The following IGSF9B variants were observed in gnomAD, a reference collection of about 807,000 sequenced individuals.
IGSF9B encodes protein turtle homolog B.
In IGSF9B, 48 loss-of-function variants were observed where a neutral mutation model predicts 143.7. The observed-to-expected ratio is 0.33, with a 90% CI of 0.26 to 0.42. The LOEUF is 0.42. Ranked by LOEUF, IGSF9B falls within the 20% of genes least tolerant of loss-of-function variation. The pLI, the probability that IGSF9B is intolerant of heterozygous loss-of-function variation, is 1.00. For missense variants in IGSF9B, 1,706 were observed against 1,980.0 expected (o/e 0.86, Z 2.63); for synonymous variants, 903 against 833.1 (o/e 1.08, Z -1.44).
Position 133,948,056 on chromosome 11 carries a change from C to CGTGCGTGT in IGSF9B, c.65-1799_65-1798insACACGCAC, listed in dbSNP as rs1555098828. The stretch of plus-strand genomic sequence containing the variant: ...CTGTTTCTGTCTACCAGCATGTGTG[C>CGTGCGTGT]GTGTGTGTGTGTGTGTGTGTGTGTG... On this transcript the variant is annotated intron_variant, in intron 1 of 19. Transcript: ENST00000533871. The surrounding 1 kb of genome is among the most constrained non-coding windows in gnomAD (Gnocchi z 4.7). Among the ~76,000 whole-genome samples, 6 of 147,296 alleles carry CGTGCGTGT rather than the reference C, an allele frequency of 4.1e-5. No homozygotes were observed. Among genetic ancestry groups the CGTGCGTGT allele is most frequent in the African/African-American group, 1.5e-4 (6 of 39,190 alleles).
intron 1 of IGSF9B, among the ~76,000 whole-genome samples, chr11:133,947,713 T>TCTCC (rs1245752156): frequency 1.4e-5 from 2 of 142,370 alleles, no homozygotes; most frequent in East Asian, 5.0e-4. Flanking sequence ...GTTTGTTCTC[T>TCTCC]CTCTCTCTCT....
chr11:133,912,161 T>C, intron 18 of IGSF9B, 154 bp from the exon 19 acceptor site: 1 of 871,938 alleles, frequency 1.1e-6, no homozygotes, highest in Non-Finnish European at 1.8e-6. Context: ...GACACCCGCC[T>C]TTCTATTGCT....
chr11:133,919,973 G>A lies in IGSF9B; in HGVS notation c.3752C>T (p.Ser1251Phe). The change falls in exon 18 of 20, where the codon TCT (serine) becomes TTT (phenylalanine). Residue 1251 changes from serine to phenylalanine, a missense_variant. Ser to Phe is a radical substitution (Grantham distance 155). Coordinates refer to ENST00000533871, the MANE Select transcript of IGSF9B (RefSeq NM_001277285.4). ...PPAAVSFSRK[S>F]TPSTGSPSQS... ...GGAGGGGGAGCCTGTGGACGGCGTA[G>A]ACTTTCGAGAAAAGCTGACTGCAGC... is the stretch of plus-strand genomic sequence containing the variant. The A allele has an allele frequency of 6.4e-7, 1 of 1,572,894 alleles. No individual in the cohort carries two copies.
chr11:133,920,647 G>C lies in IGSF9B; in HGVS notation c.3078C>G (p.Pro1026=). The C allele has an allele frequency of 6.2e-7, 1 of 1,613,550 alleles. No homozygotes were observed. Among genetic ancestry groups the C allele is most frequent in the South Asian group, 1.1e-5 (1 of 91,090 alleles). ...GCCCTCCTGTAGGTGTCTGAGTCAA[G>C]GGCAGCGTGCTGTTGGATGCATTCT... ...NGENASNSTL[P]LTQTPTGGRS... Residue 1026 remains proline (P), a synonymous_variant, in exon 18 of 20, where the codon CCC becomes CCG. Transcript: ENST00000533871.
intron 18 of IGSF9B, among the ~76,000 whole-genome samples, chr11:133,914,175 A>T (rs76246750): frequency 3.9e-5 from 6 of 152,270 alleles, no homozygotes; most frequent in African/African-American, 1.4e-4. Context: ...ATTGCCTGTA[A>T]TCTCTACAGC....
Position 133,941,028 on chromosome 11 carries a change from T to C in IGSF9B, c.410-3067A>G, listed in dbSNP as rs1167678632. ...CTGGTGCCAAGCTTAAAAGAAAAGATAATAAATTAAATTTACATCCTGAAG... is the reference window on the plus strand; with the variant it reads ...CTGGTGCCAAGCTTAAAAGAAAAGACAATAAATTAAATTTACATCCTGAAG... On this transcript the variant is annotated intron_variant, in intron 3 of 19. Coordinates refer to ENST00000533871, the MANE Select transcript of IGSF9B (RefSeq NM_001277285.4). Among the ~76,000 whole-genome samples, 4 of 152,318 alleles carry C rather than the reference T, an allele frequency of 2.6e-5. No individual in the cohort carries two copies. The East Asian group carries it at 5.8e-4, about 22-fold the overall frequency.
intron 14 of IGSF9B, among the ~76,000 whole-genome samples, chr11:133,925,292 G>A (rs73596855): frequency 0.086 from 13,158 of 152,192 alleles, 1,745 homozygotes; most frequent in African/African-American, 0.29. Context: ...CAAGTTTAAC[G>A]GAGCTACTGG....
chr11:133,931,302 G>A lies in IGSF9B; in HGVS notation c.1368+151C>T, dbSNP rs561796372. On this transcript the variant is annotated intron_variant, in intron 10 of 19. Transcript: ENST00000533871. This position sits in a 1 kb window ranked among gnomAD's most constrained non-coding sequence, Gnocchi z 7.7. Reference sequence around the variant, plus strand: ...AGCTCACTGCTCGGCATCTAGCCTGGTCAGGGCAGGTCCAGAATAGAACTG... The same window carrying A: ...AGCTCACTGCTCGGCATCTAGCCTGATCAGGGCAGGTCCAGAATAGAACTG... The A allele has an allele frequency of 2.4e-6, 2 of 849,614 alleles. No individual in the cohort carries two copies. Among genetic ancestry groups the A allele is most frequent in the Non-Finnish European group, 1.8e-6 (1 of 541,156 alleles). 52.6% of individuals were successfully genotyped at this position (849,614 alleles called of 1,614,324 possible). A position where few individuals can be genotyped will look rare whatever the true frequency, so the allele number is the denominator to read the frequency against.
intron 18 of IGSF9B, among the ~76,000 whole-genome samples, chr11:133,918,442 C>T (rs1339211031): frequency 8.6e-5 from 13 of 152,044 alleles, no homozygotes; most frequent in Admixed American, 8.5e-4. Flanking sequence ...AGGAGAGAGA[C>T]GGAGACCCAG....
At position 133,902,508 on chromosome 11, in the gene IGSF9B, CCA is replaced by C. The variant is rs1221511418; in HGVS notation, c.*6559_*6560del. On this transcript the variant is annotated 3_prime_UTR_variant, in exon 20 of 20. Coordinates refer to ENST00000533871, the MANE Select transcript of IGSF9B (RefSeq NM_001277285.4). ...CACACACACACACCAGACATGCACA[CCA>C]CACACAGACATGCACACCACACACA... Among the ~76,000 whole-genome samples, 1 of 131,952 alleles carries C rather than the reference CCA, an allele frequency of 7.6e-6. No homozygotes were observed. Among genetic ancestry groups the C allele is most frequent in the African/African-American group, 2.6e-5 (1 of 37,760 alleles). 86.6% of individuals were successfully genotyped at this position (131,952 alleles called of 152,430 possible). A position where few individuals can be genotyped will look rare whatever the true frequency, so the allele number is the denominator to read the frequency against.
chr11:133,932,336 A>G (rs1029351127), intron 7 of IGSF9B, 123 bp from the exon 8 acceptor site: 38 of 845,298 alleles, frequency 4.5e-5, no homozygotes, highest in Non-Finnish European at 6.5e-5. Context: ...GGGAGAGCAG[A>G]CAGACAGACA....
Position 133,909,098 on chromosome 11 carries a change from C to T in IGSF9B, c.4285G>A (p.Asp1429Asn), listed in dbSNP as rs1243790143. ...AGCAAAGTGGCATGTCCTGGGTCAT[C>T]GTGGTCCACACTGTTGAGAATCGCT... ...QTAILNSVDH[D>N]DPGHATLL The change falls in exon 20 of 20, where the codon GAT becomes AAT. Residue 1429 changes from aspartate (D) to asparagine (N), a missense_variant. Transcript: ENST00000533871. The surrounding 1 kb of genome is among the most constrained non-coding windows in gnomAD (Gnocchi z 4.2). 3 of 1,535,880 alleles carry T rather than the reference C, an allele frequency of 2.0e-6. No homozygotes were observed. The East Asian group carries it at 7.3e-5, about 38-fold the overall frequency.
chr11:133,951,170 G>A (rs1055286272), intron 1 of IGSF9B, among the ~76,000 whole-genome samples: 1 of 152,166 alleles, frequency 6.6e-6, no homozygotes, highest in Admixed American at 6.5e-5. Context: ...CAGAAAGGAC[G>A]AGGCGGCGGG....
chr11:133,956,590 T>C, intron 1 of IGSF9B, 101 bp downstream of exon 1: 2 of 774,840 alleles, frequency 2.6e-6, no homozygotes, highest in African/African-American at 1.8e-5. Context: ...GCCGGGGAGC[T>C]GGGGAACCGG....
rs1189093721 is a variant in IGSF9B at position 133,944,350 on chromosome 11, A to G, written c.279T>C (p.His93=). 4.3e-6 allele frequency: 7 copies of G among 1,613,688 alleles called. No homozygotes were observed. The highest frequency in any genetic ancestry group is 1.3e-5 in the African/African-American group (1 of 74,948). ...GTTCCAGCCGCAGAGATGCCTTATCATGAAGACTGGCCCGGCCTGGGGGAA... is the reference window on the plus strand; with the variant it reads ...GTTCCAGCCGCAGAGATGCCTTATCGTGAAGACTGGCCCGGCCTGGGGGAA... ...DPEYAGRASL[H]DKASLRLEQV... Residue 93 remains histidine (H), a synonymous_variant, in exon 3 of 20, where the codon CAT becomes CAC. Coordinates refer to ENST00000533871, the MANE Select transcript of IGSF9B (RefSeq NM_001277285.4).
In IGSF9B at chr11:133,937,378, T is replaced by G. The variant is rs1939843921; in HGVS notation, c.677A>C (p.Gln226Pro). 6.2e-7 allele frequency: 1 copy of G among 1,608,472 alleles called. No individual in the cohort carries two copies. Among genetic ancestry groups the G allele is most frequent in the African/African-American group, 1.3e-5 (1 of 74,820 alleles). The change falls in exon 5 of 20, where the codon CAA becomes CCA. Residue 226 changes from glutamine (Q) to proline (P), a missense_variant and splice_region_variant. Physicochemically the swap from Gln to Pro is moderately conservative, Grantham distance 76. This residue lies in a region of IGSF9B where 238 missense variants were observed against 452.6 expected (regional missense o/e 0.53). Coordinates refer to ENST00000533871, the MANE Select transcript of IGSF9B (RefSeq NM_001277285.4). ...GAGGCTGAGGAAATGGCTCCTACCT[T>G]GGACAAGCAGGTGAGTCGTGTGGAC... is the stretch of plus-strand genomic sequence containing the variant. Reference protein sequence around the residue: ...EAVHTTHLLVQGPPFIVSPPE... With the variant: ...EAVHTTHLLVPGPPFIVSPPE...
At position 133,931,841 on chromosome 11, in the gene IGSF9B, C is replaced by A. The variant is rs575533987; in HGVS notation, c.1111-46G>T. The A allele has an allele frequency of 1.3e-6, 2 of 1,599,600 alleles. No homozygotes were observed. Among genetic ancestry groups the A allele is most frequent in the East Asian group, 2.2e-5 (1 of 44,650 alleles). Reference sequence around the variant, plus strand: ...GGCAGGGAACGCTGGTCAGAGACTCCGCGCTCCATCCCAGGCTGGGTCCCA... The same window carrying A: ...GGCAGGGAACGCTGGTCAGAGACTCAGCGCTCCATCCCAGGCTGGGTCCCA... On this transcript the variant is annotated intron_variant, in intron 8 of 19. Coordinates refer to ENST00000533871, the MANE Select transcript of IGSF9B (RefSeq NM_001277285.4). The surrounding 1 kb of genome is among the most constrained non-coding windows in gnomAD (Gnocchi z 7.7).
In IGSF9B at chr11:133,920,068, G is replaced by A. The variant is rs753732246; in HGVS notation, c.3657C>T (p.Ala1219=). The change falls in exon 18 of 20, where the codon GCC becomes GCT. Residue 1219 remains alanine, a synonymous_variant. Transcript: ENST00000533871. The part of the protein sequence containing the change: ...LSSRTGSPEL[A]ARARPRPGLL... ...GGCCCGGGCGAGGCCGGGCACGGGC[G>A]GCGAGCTCAGGGGAGCCGGTGCGGG... 2.5e-5 allele frequency: 39 copies of A among 1,541,344 alleles called. No homozygotes were observed. In the African/African-American group the frequency reaches 3.3e-4, roughly 13 times the overall value.
In IGSF9B at chr11:133,926,081, G is replaced by A. The variant is rs568132019; in HGVS notation, c.1808-116C>T. On this transcript the variant is annotated intron_variant, in intron 13 of 19. Transcript: ENST00000533871. ...CCAGAGGGAAGCAGAGTCAGGGCCC[G>A]GGGCCCAGGGCTTCAGGGTTCTGCC... 148 of 723,822 alleles carry A rather than the reference G, an allele frequency of 2.0e-4. No homozygotes were observed. The African/African-American group carries it at 2.4e-3, about 12-fold the overall frequency. 44.8% of individuals were successfully genotyped at this position (723,822 alleles called of 1,614,324 possible). A position where few individuals can be genotyped will look rare whatever the true frequency, so the allele number is the denominator to read the frequency against.
Sources: allele counts gnomAD v4.1 joint callset (sites outside exome capture counted in the v4.1 genomes callset), GRCh38; gene constraint gnomAD v4.1.1; regional missense constraint gnomAD v4.1.1; non-coding constraint Gnocchi (gnomAD v3.1); transcripts MANE v1.5; gene names NCBI Gene and HGNC (gene_info 2026-07-23, HGNC 2026-07-21).